Variants in VPS9D1 observed in about 807,000 individuals in gnomAD.
VPS9D1 encodes VPS9 domain containing 1.
Under a neutral mutation model 75.8 loss-of-function variants are expected in VPS9D1, and 78 were observed. That is an observed-to-expected ratio of 1.03 (90% confidence interval 0.86 to 1.24). VPS9D1 has a LOEUF of 1.24. VPS9D1 is among the 50% of genes most tolerant of loss of function. The pLI is 0.00. For missense variants in VPS9D1, 1,057 were observed against 847.7 expected (o/e 1.25, Z -3.07); for synonymous variants, 481 against 385.6 (o/e 1.25, Z -2.90).
In VPS9D1 at chr16:89,711,868, C is replaced by G. The variant is rs1416088102; in HGVS notation, c.747+14G>C. On this transcript the variant is annotated intron_variant, in intron 8 of 14. Transcript: ENST00000389386. ...GGGCTCCTCCTACAAAGCCTGGGCCCGTGGGGGACGCACATGGTCCTGTTC... is the reference window on the plus strand; with the variant it reads ...GGGCTCCTCCTACAAAGCCTGGGCCGGTGGGGGACGCACATGGTCCTGTTC... 10 of 1,549,806 alleles carry G rather than the reference C, an allele frequency of 6.5e-6. No individual in the cohort carries two copies. Among genetic ancestry groups the G allele is most frequent in the Admixed American group, 3.9e-5 (2 of 50,978 alleles).
At chr16:89,712,143 C>G in intron 6 of VPS9D1, 44 bp from the exon 7 acceptor site, 8 of 1,547,586 alleles carry the variant, frequency 5.2e-6, no homozygotes, top group Non-Finnish European at 7.0e-6. Context: ...CTGAGCGGGC[C>G]CTCGGTTCCC....
At position 89,709,272 on chromosome 16, in the gene VPS9D1, G is replaced by C; in HGVS notation, c.1552C>G (p.Leu518Val). The C allele has an allele frequency of 6.2e-7, 1 of 1,611,472 alleles. No individual in the cohort carries two copies. Among genetic ancestry groups the C allele is most frequent in the Non-Finnish European group, 8.5e-7 (1 of 1,179,784 alleles). ...TGGGGGCAGCTCTCCAGGACCAGCA[G>C]TCCGAGCTCCTGGGCCGCCGCGCAG... ...PYCAAAQELG[L>V]LVLESCPQKK... The change falls in exon 12 of 15, where the codon CTG becomes GTG. Residue 518 changes from leucine (L) to valine (V), a missense_variant. Transcript: ENST00000389386.
intron 2 of VPS9D1, chr16:89,718,107 G>C (rs2061132478): frequency 2.2e-6 from 1 of 454,882 alleles, no homozygotes; most frequent in Non-Finnish European, 4.4e-6. Flanking sequence ...TGACCTCTGT[G>C]ATCCTTTGTG....
At chr16:89,715,920 G>A (rs2061054056) in intron 4 of VPS9D1, among the ~76,000 whole-genome samples, 1 of 150,270 alleles carries the variant, frequency 6.7e-6, no homozygotes, top group African/African-American at 2.4e-5. Context: ...CAGGTGATCT[G>A]CTCGCCTCGG....
chr16:89,714,400 A>G (rs2061013279), intron 4 of VPS9D1, among the ~76,000 whole-genome samples: 1 of 152,244 alleles, frequency 6.6e-6, no homozygotes, highest in Admixed American at 6.5e-5. Context: ...TCTGTGACCC[A>G]TGAAAGGAAG....
chr16:89,715,177 G>C (rs1597922119), intron 4 of VPS9D1, among the ~76,000 whole-genome samples: 1 of 151,448 alleles, frequency 6.6e-6, no homozygotes, highest in South Asian at 2.1e-4. Context: ...TGTATGTATG[G>C]ATTTCTACAT....
intron 4 of VPS9D1, among the ~76,000 whole-genome samples, chr16:89,716,216 A>G (rs900862090): frequency 6.6e-6 from 1 of 151,948 alleles, no homozygotes; most frequent in Non-Finnish European, 1.5e-5. Flanking sequence ...AATACAAAAA[A>G]TTAGCTGGGT....
chr16:89,715,571 G>T (rs924014109), intron 4 of VPS9D1, among the ~76,000 whole-genome samples: 2 of 150,134 alleles, frequency 1.3e-5, no homozygotes, highest in South Asian at 4.2e-4. Flanking sequence ...GCCCAAGCTG[G>T]AGTGCACTGG....
At position 89,711,959 on chromosome 16, in the gene VPS9D1, T is replaced by A; in HGVS notation, c.670A>T (p.Ser224Cys). 6.4e-7 allele frequency: 1 copy of A among 1,551,022 alleles called. No individual in the cohort carries two copies. The highest frequency in any genetic ancestry group is 1.2e-5 in the South Asian group (1 of 84,074). Residue 224 changes from serine (S) to cysteine (C), a missense_variant, in exon 8 of 15, where the codon AGC becomes TGC. Ser to Cys is a moderately radical substitution (Grantham distance 112). Transcript: ENST00000389386. Reference sequence around the variant, plus strand: ...TCCTCCGGGGTCAGGGCGACTTGGCTGCAAAACCTCCTGGGGAGAAAGGCA... The same window carrying A: ...TCCTCCGGGGTCAGGGCGACTTGGCAGCAAAACCTCCTGGGGAGAAAGGCA... ...LQEAANRRFC[S>C]QVALTPEERE...
chr16:89,717,891 C>T (rs975312445), intron 2 of VPS9D1: 2 of 437,936 alleles, frequency 4.6e-6, no homozygotes, highest in African/African-American at 2.0e-5. Context: ...CGTCCAGGGG[C>T]TCCCCCGACC....
intron 1 of VPS9D1, among the ~76,000 whole-genome samples, chr16:89,720,003 C>T (rs1317067274): frequency 6.6e-6 from 1 of 152,252 alleles, no homozygotes; most frequent in African/African-American, 2.4e-5. Flanking sequence ...CAGGCGTGAA[C>T]CACAGCGCCC....
chr16:89,716,036 G>T (rs542097646), intron 4 of VPS9D1, among the ~76,000 whole-genome samples: 1 of 151,696 alleles, frequency 6.6e-6, no homozygotes, highest in African/African-American at 2.4e-5. Flanking sequence ...AAAAACATTC[G>T]CTGTCAGGCC....
intron 13 of VPS9D1, 113 bp downstream of exon 13, chr16:89,708,743 CT>C: frequency 8.0e-7 from 1 of 1,249,722 alleles, no homozygotes; most frequent in Non-Finnish European, 1.1e-6. Flanking sequence ...CCTCCTGCTT[CT>C]ACAGTGCAGC....
Position 89,707,891 on chromosome 16 carries a change from C to T in VPS9D1, c.1866G>A (p.Glu622=), listed in dbSNP as rs760315611. 6.8e-6 allele frequency: 11 copies of T among 1,613,048 alleles called. No individual in the cohort carries two copies. The highest frequency in any genetic ancestry group is 2.2e-5 in the East Asian group (1 of 44,900). ...TGGCCAGGCCTCCCCGGGGCAGCAG[C>T]TCCACGTAGCTCAGGGCACTCTGCA... ...TSLQSALSYV[E]LLPRGGLAK is the part of the protein sequence containing the mutation. Residue 622 remains glutamate (E), a synonymous_variant, in exon 15 of 15, where the codon GAG becomes GAA. Transcript: ENST00000389386.
In VPS9D1 at chr16:89,711,863, G is replaced by A. The variant is rs1313329780; in HGVS notation, c.747+19C>T. 6.5e-7 allele frequency: 1 copy of A among 1,549,394 alleles called. No homozygotes were observed. Among genetic ancestry groups the A allele is most frequent in the Non-Finnish European group, 8.7e-7 (1 of 1,146,064 alleles). ...TCGCTGGGCTCCTCCTACAAAGCCT[G>A]GGCCCGTGGGGGACGCACATGGTCC... On this transcript the variant is annotated intron_variant, in intron 8 of 14. Coordinates refer to ENST00000389386, the MANE Select transcript of VPS9D1 (RefSeq NM_004913.3).
intron 6 of VPS9D1, 76 bp from the exon 7 acceptor site, chr16:89,712,175 A>G: frequency 6.5e-7 from 1 of 1,537,554 alleles, no homozygotes; most frequent in South Asian, 1.2e-5. Context: ...ACACCCGGAG[A>G]GGCCGGGACG....
intron 13 of VPS9D1, 46 bp downstream of exon 13, chr16:89,708,811 C>T (rs1206674740): frequency 6.6e-7 from 1 of 1,517,948 alleles, no homozygotes; most frequent in South Asian, 1.2e-5. Flanking sequence ...CATTGCCTTT[C>T]TAGGGCCCTT....
chr16:89,712,787 C>G, intron 4 of VPS9D1, 71 bp from the exon 5 acceptor site: 11 of 1,336,734 alleles, frequency 8.2e-6, no homozygotes, highest in Non-Finnish European at 1.1e-5. Context: ...AGGAGTCTCT[C>G]TCATCCTCCC....
In VPS9D1 at chr16:89,719,355, C is replaced by G. The variant is rs143570565; in HGVS notation, c.100-253G>C. ...CCTGAGAGAGAGAGAGAGCCAGGGACGAGCTGGACCTCATTTTCTCCTCTG... is the reference window on the plus strand; with the variant it reads ...CCTGAGAGAGAGAGAGAGCCAGGGAGGAGCTGGACCTCATTTTCTCCTCTG... On this transcript the variant is annotated intron_variant, in intron 1 of 14. Transcript: ENST00000389386. 401 of 583,528 alleles carry G rather than the reference C, an allele frequency of 6.9e-4. 1 individual carries two copies. The highest frequency in any genetic ancestry group is 6.7e-3 in the African/African-American group (364 of 54,222). 36.1% of individuals were successfully genotyped at this position (583,528 alleles called of 1,614,324 possible).
Sources: allele counts gnomAD v4.1 joint callset (sites outside exome capture counted in the v4.1 genomes callset), GRCh38; gene constraint gnomAD v4.1.1; transcripts MANE v1.5; gene names NCBI Gene and HGNC (gene_info 2026-07-23, HGNC 2026-07-21).